The following RNF138 variants were observed in gnomAD, a reference collection of about 807,000 sequenced individuals.
The protein encoded by RNF138 is E3 ubiquitin-protein ligase RNF138.
In RNF138, 12 loss-of-function variants were observed where a neutral mutation model predicts 31.0. The observed-to-expected ratio is 0.39, with a 90% CI of 0.25 to 0.63. The LOEUF is 0.63. Ranked by LOEUF, RNF138 falls within the 20% of genes least tolerant of loss-of-function variation. RNF138 has a pLI of 0.52. For missense variants in RNF138, 192 were observed against 300.1 expected (o/e 0.64, Z 2.66); for synonymous variants, 105 against 99.5 (o/e 1.06, Z -0.33).
Position 32,124,702 on chromosome 18 carries a change from TTAAG to T in RNF138, c.450-29_450-26del, listed in dbSNP as rs746015735. ...AGCGTTATTTTTGTGTTATTCTGAA[TTAAG>T]TATGTTTCACTTAAAATTGTTTTAT... On this transcript the variant is annotated intron_variant, in intron 5 of 7. Coordinates refer to ENST00000261593, the MANE Select transcript of RNF138 (RefSeq NM_016271.5). 7 of 1,027,882 alleles carry T rather than the reference TTAAG, an allele frequency of 6.8e-6. No homozygotes were observed. In the East Asian group the frequency reaches 1.7e-4, roughly 24 times the overall value. 63.7% of individuals were successfully genotyped at this position (1,027,882 alleles called of 1,614,324 possible).
intron 2 of RNF138, among the ~76,000 whole-genome samples, chr18:32,094,329 A>G (rs2039766697): frequency 6.6e-6 from 1 of 151,814 alleles, no homozygotes; most frequent in East Asian, 1.9e-4. Flanking sequence ...TTTTTTCCCC[A>G]ATCTTAACTG....
chr18:32,096,304 A>G (rs2039803545), intron 2 of RNF138, among the ~76,000 whole-genome samples: 2 of 152,186 alleles, frequency 1.3e-5, no homozygotes, highest in South Asian at 2.1e-4. Context: ...TCGGTCATTC[A>G]TTGATGTGTC....
intron 2 of RNF138, among the ~76,000 whole-genome samples, chr18:32,102,639 TC>T (rs1157825874): frequency 2.6e-4 from 39 of 151,296 alleles, no homozygotes; most frequent in African/African-American, 8.8e-4. Context: ...TTTGGGATTT[TC>T]TTTTTTTTTT....
rs950511546 is a variant in RNF138, at chr18:32,124,663, T to C, written c.450-71T>C. The stretch of plus-strand genomic sequence containing the variant: ...TTTTTAAAAAATGTATAGTGATTCC[T>C]CAAAAAATAGGAGAGCGTTATTTTT... On this transcript the variant is annotated intron_variant, in intron 5 of 7. Coordinates refer to ENST00000261593, the MANE Select transcript of RNF138 (RefSeq NM_016271.5). 3.9e-6 allele frequency: 3 copies of C among 778,818 alleles called. No individual in the cohort carries two copies. The African/African-American group carries it at 5.2e-5, about 14-fold the overall frequency. The allele number at this position is 778,818 out of a possible 1,614,324, so 48.2% of individuals were successfully genotyped here. A position where few individuals can be genotyped will look rare whatever the true frequency, so the allele number is the denominator to read the frequency against.
Position 32,130,364 on chromosome 18 carries a change from C to T in RNF138, c.*1177C>T, listed in dbSNP as rs757262354. 4 of 152,062 alleles carry T rather than the reference C, an allele frequency of 2.6e-5. No individual in the cohort carries two copies. The highest frequency in any genetic ancestry group is 4.4e-5 in the Non-Finnish European group (3 of 67,804). 9.4% of individuals were successfully genotyped at this position (152,062 alleles called of 1,614,324 possible). On this transcript the variant is annotated 3_prime_UTR_variant, in exon 8 of 8. Transcript: ENST00000261593. ...GTTATTCTCAAATATAATGTGTGACCGTGATATAGTGAGAAAGATTCTACC... is the reference window on the plus strand; with the variant it reads ...GTTATTCTCAAATATAATGTGTGACTGTGATATAGTGAGAAAGATTCTACC...
At chr18:32,121,606 A>G (rs187791941) in intron 4 of RNF138, among the ~76,000 whole-genome samples, 60 of 152,336 alleles carry the variant, frequency 3.9e-4, no homozygotes, top group Admixed American at 1.6e-3. Context: ...AGAAGTTGTT[A>G]ACAGTATTTT....
chr18:32,112,395 A>G lies in RNF138; in HGVS notation c.276+476A>G, dbSNP rs557821523. ...ATGTATTTATGTATGTATTTAAGAA[A>G]TCACAAGGGCCGGGCATGGTGGCTC... On this transcript the variant is annotated intron_variant, in intron 3 of 7. Transcript: ENST00000261593. Among the ~76,000 whole-genome samples, 33 of 152,298 alleles carry G rather than the reference A, an allele frequency of 2.2e-4. No homozygotes were observed. The East Asian group carries it at 5.4e-3, about 25-fold the overall frequency.
At position 32,093,123 on chromosome 18, in the gene RNF138, TCCC is replaced by T. The variant is rs1227460101; in HGVS notation, c.110+238_110+240del. ...AGCCCAAGCTCCCGCTCTCCCGCTC[TCCC>T]GCTCTCCCGCTCTCCCGCTCTCCCT... On this transcript the variant is annotated intron_variant, in intron 2 of 7. Transcript: ENST00000261593. Among the ~76,000 whole-genome samples the T allele has an allele frequency of 5.7e-4, 87 of 151,436 alleles. 1 individual carries two copies. The highest frequency in any genetic ancestry group is 1.9e-3 in the African/African-American group (80 of 41,332).
chr18:32,131,376 G>T lies in RNF138; in HGVS notation c.*2189G>T, dbSNP rs2040476199. ...ATGGAAATTAAATTTATGGGGAAAAGTTTATTTTTAATATTACTTATAGCT... is the reference window on the plus strand; with the variant it reads ...ATGGAAATTAAATTTATGGGGAAAATTTTATTTTTAATATTACTTATAGCT... On this transcript the variant is annotated 3_prime_UTR_variant, in exon 8 of 8. Transcript: ENST00000261593. The T allele has an allele frequency of 6.6e-6, 1 of 151,776 alleles. No homozygotes were observed. Among genetic ancestry groups the T allele is most frequent in the African/African-American group, 2.4e-5 (1 of 41,334 alleles). 9.4% of individuals were successfully genotyped at this position (151,776 alleles called of 1,614,324 possible). A position where few individuals can be genotyped will look rare whatever the true frequency, so the allele number is the denominator to read the frequency against.
At chr18:32,103,546 A>G (rs1453863895) in intron 2 of RNF138, among the ~76,000 whole-genome samples, 1 of 149,888 alleles carries the variant, frequency 6.7e-6, no homozygotes, top group Non-Finnish European at 1.5e-5. Context: ...AGGCACCAAG[A>G]AAAAAAAAAG....
chr18:32,110,794 T>G (rs2144594629), intron 2 of RNF138, among the ~76,000 whole-genome samples: 1 of 152,248 alleles, frequency 6.6e-6, no homozygotes, highest in South Asian at 2.1e-4. Flanking sequence ...TCTTTTTTTT[T>G]TTTTGAGACG....
rs537961328 is a variant in RNF138 at position 32,092,860 on chromosome 18, C to A, written c.84C>A (p.Pro28=). 2 of 1,587,996 alleles carry A rather than the reference C, an allele frequency of 1.3e-6. No homozygotes were observed. Among genetic ancestry groups the A allele is most frequent in the Non-Finnish European group, 1.7e-6 (2 of 1,170,296 alleles). ...CPVCQEVLKT[P]VRTTACQHVF... is the part of the protein sequence containing the mutation. ...TCTGTCAGGAGGTGCTCAAAACGCC[C>A]GTGCGGACCACGGCCTGTCAGCACG... Residue 28 remains proline (P), a synonymous_variant, in exon 2 of 8, where the codon CCC becomes CCA. Coordinates refer to ENST00000261593, the MANE Select transcript of RNF138 (RefSeq NM_016271.5).
intron 4 of RNF138, among the ~76,000 whole-genome samples, chr18:32,115,292 G>A (rs2040196570): frequency 6.6e-6 from 1 of 152,068 alleles, no homozygotes; most frequent in Non-Finnish European, 1.5e-5. Context: ...ATTCCTAATA[G>A]CAATATTCCT....
intron 4 of RNF138, among the ~76,000 whole-genome samples, chr18:32,115,723 C>T (rs949424586): frequency 2.0e-5 from 3 of 152,078 alleles, no homozygotes; most frequent in Non-Finnish European, 2.9e-5. Flanking sequence ...CTAGCCTGGG[C>T]GACAGAGTCA....
intron 4 of RNF138, among the ~76,000 whole-genome samples, chr18:32,114,870 A>G (rs2040189702): frequency 6.7e-6 from 1 of 150,324 alleles, no homozygotes; most frequent in Non-Finnish European, 1.5e-5. Context: ...ACTCAGTTGA[A>G]ATTTCTGGTA....
At position 32,130,030 on chromosome 18, in the gene RNF138, G is replaced by A. The variant is rs1279397889; in HGVS notation, c.*843G>A. On this transcript the variant is annotated 3_prime_UTR_variant, in exon 8 of 8. Transcript: ENST00000261593. ...GTATTCTAGAAGATATAAATGAGAG[G>A]TTTGGCTTCATCTCAGTTTAGAAAT... is the stretch of plus-strand genomic sequence containing the variant. The A allele has an allele frequency of 6.6e-6, 1 of 152,288 alleles. No individual in the cohort carries two copies. The highest frequency in any genetic ancestry group is 6.6e-5 in the Admixed American group (1 of 15,250). 9.4% of individuals were successfully genotyped at this position (152,288 alleles called of 1,614,324 possible).
chr18:32,120,336 A>G (rs1383332322), intron 4 of RNF138, among the ~76,000 whole-genome samples: 1 of 152,172 alleles, frequency 6.6e-6, no homozygotes, highest in Non-Finnish European at 1.5e-5. Flanking sequence ...ATATTCTGAT[A>G]TCTGGAGTCT....
In RNF138 at chr18:32,130,230, A is replaced by C. The variant is rs946607765; in HGVS notation, c.*1043A>C. 6.6e-6 allele frequency: 1 copy of C among 152,364 alleles called. No homozygotes were observed. The highest frequency in any genetic ancestry group is 2.4e-5 in the African/African-American group (1 of 41,416). The allele number at this position is 152,364 out of a possible 1,614,324, so 9.4% of individuals were successfully genotyped here. A position where few individuals can be genotyped will look rare whatever the true frequency, so the allele number is the denominator to read the frequency against. On this transcript the variant is annotated 3_prime_UTR_variant, in exon 8 of 8. Transcript: ENST00000261593. ...TTGTTTAAAATTTTGTATATCACCA[A>C]ATTTTTAAAAAGTGATAGTCACAGT...
intron 2 of RNF138, among the ~76,000 whole-genome samples, chr18:32,096,517 T>C (rs568842894): frequency 8.5e-5 from 13 of 152,094 alleles, no homozygotes; most frequent in Non-Finnish European, 1.5e-4. Context: ...AATGGAAAGA[T>C]TGAAGAGCAC....
Sources: allele counts gnomAD v4.1 joint callset (sites outside exome capture counted in the v4.1 genomes callset), GRCh38; gene constraint gnomAD v4.1.1; transcripts MANE v1.5; gene names NCBI Gene and HGNC (gene_info 2026-07-23, HGNC 2026-07-21).